The following DPM1 variants were observed in gnomAD, a reference collection of about 807,000 sequenced individuals.
DPM1 encodes dolichyl-phosphate mannosyltransferase subunit 1, catalytic, also known as dolichol-phosphate mannosyltransferase subunit 1.
In DPM1, 27 loss-of-function variants were observed where a neutral mutation model predicts 39.0. That is an observed-to-expected ratio of 0.69 (90% CI 0.51 to 0.95). The LOEUF (loss-of-function observed/expected upper bound fraction) is 0.95, where lower values mean the gene tolerates loss of function less well. Among genes scored for constraint, DPM1 ranks in the 40% least tolerant of loss-of-function variants. The pLI is 0.00. For missense variants in DPM1, 307 were observed against 315.6 expected, an observed-to-expected ratio of 0.97 and a Z score of 0.21; for synonymous variants, 124 against 109.0, an observed-to-expected ratio of 1.14 and a Z score of -0.86.
At chr20:50,937,869 A>G (rs1232527174) in intron 7 of DPM1, among the ~76,000 whole-genome samples, 2 of 151,900 alleles carry the variant, frequency 1.3e-5, no homozygotes, top group African/African-American at 4.8e-5. Flanking sequence ...AGAGACGGAG[A>G]CTCACTATGT....
chr20:50,939,650 T>G (rs1985538975), intron 7 of DPM1, among the ~76,000 whole-genome samples: 1 of 145,074 alleles, frequency 6.9e-6, no homozygotes, highest in Admixed American at 6.8e-5. Flanking sequence ...AGTCTTCCTC[T>G]GTCGCCAGGC....
intron 7 of DPM1, among the ~76,000 whole-genome samples, chr20:50,939,216 C>A (rs1045023809): frequency 2.0e-5 from 3 of 152,164 alleles, no homozygotes; most frequent in African/African-American, 7.2e-5. Context: ...TCTATCTTCA[C>A]AACTAGTTAC....
At position 50,938,336 on chromosome 20, in the gene DPM1, T is replaced by G. The variant is rs1985387792; in HGVS notation, c.564-2074A>C. ...ACAAATGAACTTTAATGCATGTATT[T>G]AAGAAACCACCACTCTTATGAGAAG... On this transcript the variant is annotated intron_variant, in intron 7 of 8. Transcript: ENST00000371588. Among the ~76,000 whole-genome samples, 6 of 152,054 alleles carry G rather than the reference T, an allele frequency of 3.9e-5. No homozygotes were observed. The South Asian group carries it at 1.2e-3, about 31-fold the overall frequency.
chr20:50,948,866 A>AT lies in DPM1; in HGVS notation c.262-205dup, dbSNP rs35605738. Among the ~76,000 whole-genome samples the AT allele has an allele frequency of 4.0e-3, 582 of 146,776 alleles. 2 individuals carry two copies. The highest frequency in any genetic ancestry group is 0.011 in the African/African-American group (436 of 40,312). On this transcript the variant is annotated intron_variant, in intron 2 of 8. Coordinates refer to ENST00000371588, the MANE Select transcript of DPM1 (RefSeq NM_003859.3). ...AACCAAATAGTTTAACGTAGCTAAC[A>AT]TTTTTTTTTTTTGAGATGCAGTCTC...
intron 5 of DPM1, among the ~76,000 whole-genome samples, chr20:50,943,936 T>C (rs947668017): frequency 6.6e-6 from 1 of 151,836 alleles, no homozygotes; most frequent in African/African-American, 2.4e-5. Context: ...GAGACAGGGT[T>C]TCACCGTGTT....
intron 2 of DPM1, among the ~76,000 whole-genome samples, chr20:50,953,379 A>G (rs550720426): frequency 1.3e-5 from 2 of 152,356 alleles, no homozygotes; most frequent in East Asian, 3.9e-4. Flanking sequence ...TGAAAGGCTG[A>G]CAAAGCATCT....
chr20:50,939,197 T>C (rs1247856229), intron 7 of DPM1, among the ~76,000 whole-genome samples: 2 of 152,100 alleles, frequency 1.3e-5, no homozygotes, highest in Non-Finnish European at 2.9e-5. Flanking sequence ...TGTGTTTTTC[T>C]TCACAGCCTC....
chr20:50,941,344 T>TATTC (rs1568762868), intron 6 of DPM1: 1 of 144,170 alleles, frequency 6.9e-6, no homozygotes, highest in African/African-American at 3.1e-5. Context: ...ATATTCGTAT[T>TATTC]ATATATATTC....
rs11480415 is a variant in DPM1 at position 50,935,242 on chromosome 20, T to TAAA, written c.679-7_679-6insTTT. On this transcript the variant is annotated splice_polypyrimidine_tract_variant and splice_region_variant and intron_variant, in intron 8 of 8. Coordinates refer to ENST00000371588, the MANE Select transcript of DPM1 (RefSeq NM_003859.3). The stretch of plus-strand genomic sequence containing the variant: ...TCCACAAATGATATTGGAACCTAGT[T>TAAA]TAAAAAAAAAAAAGTAACGTTAGTC... The TAAA allele has an allele frequency of 3.9e-5, 60 of 1,544,794 alleles. No individual in the cohort carries two copies. In the African/African-American group the frequency reaches 8.1e-4, roughly 21 times the overall value.
chr20:50,944,889 A>T (rs1233996503), intron 5 of DPM1: 1 of 152,218 alleles, frequency 6.6e-6, no homozygotes, highest in African/African-American at 2.4e-5. Context: ...TAATGCATGT[A>T]TTGGAAATGA....
At chr20:50,958,544 C>T (rs1315828903), upstream of DPM1, 23 of 1,612,810 alleles carry the variant, frequency 1.4e-5, no homozygotes, top group Non-Finnish European at 1.7e-5. Context: ...AGCCAGATGC[C>T]GGAAGCGGAA....
intron 7 of DPM1, among the ~76,000 whole-genome samples, chr20:50,937,839 T>TTA (rs1985346788): frequency 2.6e-5 from 4 of 151,910 alleles, no homozygotes; most frequent in African/African-American, 7.3e-5. Flanking sequence ...TATTATTATT[T>TTA]TTATTTTTTT....
In DPM1 at chr20:50,940,953, G is replaced by A; in HGVS notation, c.495-20C>T. ...CCACGGCTGCCAAATAAAACAATCAGATCTTCTTTACAAAATACAATTTAT... is the reference window on the plus strand; with the variant it reads ...CCACGGCTGCCAAATAAAACAATCAAATCTTCTTTACAAAATACAATTTAT... On this transcript the variant is annotated intron_variant, in intron 6 of 8. Coordinates refer to ENST00000371588, the MANE Select transcript of DPM1 (RefSeq NM_003859.3). 1 of 1,611,808 alleles carries A rather than the reference G, an allele frequency of 6.2e-7. No individual in the cohort carries two copies.
intron 1 of DPM1, among the ~76,000 whole-genome samples, chr20:50,957,524 T>C (rs1354408019): frequency 6.6e-6 from 1 of 152,196 alleles, no homozygotes; most frequent in Admixed American, 6.5e-5. Context: ...AACAAAGTCC[T>C]TGTTCTCATC....
At chr20:50,947,490 G>T (rs780716756) in intron 3 of DPM1, among the ~76,000 whole-genome samples, 4 of 152,208 alleles carry the variant, frequency 2.6e-5, no homozygotes, top group Non-Finnish European at 4.4e-5. Context: ...GGAATTGATG[G>T]TCTTCAAGAT....
intron 2 of DPM1, 76 bp from the exon 3 acceptor site, chr20:50,948,738 T>G: frequency 7.7e-7 from 1 of 1,292,298 alleles, no homozygotes; most frequent in African/African-American, 1.5e-5. Context: ...TATTCAAAAG[T>G]GCATACTCAC....
chr20:50,954,135 A>G (rs1230506582), intron 2 of DPM1, among the ~76,000 whole-genome samples: 1 of 152,122 alleles, frequency 6.6e-6, no homozygotes, highest in Non-Finnish European at 1.5e-5. Context: ...AAGTATTTCT[A>G]TTACTGAGAT....
intron 1 of DPM1, among the ~76,000 whole-genome samples, 161 bp downstream of exon 1, chr20:50,958,202 G>C (rs1412713793): frequency 6.6e-6 from 1 of 152,230 alleles, no homozygotes; most frequent in African/African-American, 2.4e-5. Flanking sequence ...AACCCAACAA[G>C]CATCCGCCTC....
intron 7 of DPM1, among the ~76,000 whole-genome samples, chr20:50,936,542 C>T (rs1263089288): frequency 2.0e-5 from 3 of 152,078 alleles, no homozygotes; most frequent in East Asian, 1.9e-4. Context: ...TAGTGAAATA[C>T]GGTAAAATGA....
Sources: allele counts gnomAD v4.1 joint callset (sites outside exome capture counted in the v4.1 genomes callset), GRCh38; gene constraint gnomAD v4.1.1; transcripts MANE v1.5; gene names NCBI Gene and HGNC (gene_info 2026-07-23, HGNC 2026-07-21).